Variants in SLC20A2 observed in about 807,000 individuals in gnomAD.
The protein encoded by SLC20A2 is sodium-dependent phosphate transporter 2.
SLC20A2 carries 30 observed loss-of-function variants against 61.0 expected under a neutral mutation model. The observed-to-expected ratio is 0.49, with a 90% CI of 0.37 to 0.67. SLC20A2 has a LOEUF of 0.67. Among genes scored for constraint, SLC20A2 ranks in the 30% least tolerant of loss-of-function variants. The pLI is 0.00. For synonymous variants in SLC20A2, 351 were observed against 353.3 expected (o/e 0.99, Z 0.07); for missense variants, 626 against 866.4 (o/e 0.72, Z 3.48).
At chr8:42,538,862 C>G (rs1382418089) in intron 1 of SLC20A2, among the ~76,000 whole-genome samples, 1 of 152,184 alleles carries the variant, frequency 6.6e-6, no homozygotes, top group Admixed American at 6.5e-5. Context: ...CTGTAATATA[C>G]TGCATTCTAA....
intron 5 of SLC20A2, among the ~76,000 whole-genome samples, chr8:42,455,233 A>ATAT (rs1370917032): frequency 2.8e-5 from 3 of 107,986 alleles, no homozygotes; most frequent in Non-Finnish European, 5.6e-5. Context: ...TAAAAAAAAA[A>ATAT]AAAAAAAAAT....
At chr8:42,535,976 T>C (rs1247837108) in intron 1 of SLC20A2, among the ~76,000 whole-genome samples, 1 of 152,244 alleles carries the variant, frequency 6.6e-6, no homozygotes, top group Non-Finnish European at 1.5e-5. Flanking sequence ...TAAATTATCC[T>C]AGCTTCGTAG....
At chr8:42,480,579 C>A (rs575657055) in intron 1 of SLC20A2, 3 of 152,274 alleles carry the variant, frequency 2.0e-5, no homozygotes, top group South Asian at 2.1e-4. Context: ...TCAAGAATAT[C>A]CTTTTGTCTA....
At chr8:42,533,228 G>A (rs1812451521) in intron 1 of SLC20A2, among the ~76,000 whole-genome samples, 1 of 152,136 alleles carries the variant, frequency 6.6e-6, no homozygotes, top group Non-Finnish European at 1.5e-5. Context: ...AATTGTTGAT[G>A]AGGTTAACTG....
Position 42,437,238 on chromosome 8 carries a change from T to C in SLC20A2, c.1274A>G (p.Lys425Arg), listed in dbSNP as rs1804349649. Residue 425 changes from lysine to arginine, a missense_variant, in exon 8 of 11, where the codon AAG becomes AGG. Physicochemically the swap from Lys to Arg is conservative, Grantham distance 26. Around this residue, in one of 3 missense-constraint regions of SLC20A2, gnomAD observed 361 missense variants for 422.3 expected, o/e 0.85. Transcript: ENST00000520262. The surrounding 1 kb of genome is among the most constrained non-coding windows in gnomAD (Gnocchi z 6.4). ...KLVGDTVSYS[K>R]KRLRYDSYSS... ...GTAGCTGTCGTAGCGCAGCCTCTTCTTGGAGTAGGACACGGTGTCGCCCAC... is the reference window on the plus strand; with the variant it reads ...GTAGCTGTCGTAGCGCAGCCTCTTCCTGGAGTAGGACACGGTGTCGCCCAC... The C allele has an allele frequency of 3.7e-6, 6 of 1,613,814 alleles. No individual in the cohort carries two copies. Among genetic ancestry groups the C allele is most frequent in the African/African-American group, 1.3e-5 (1 of 74,942 alleles).
At chr8:42,477,674 T>C (rs1331088253) in intron 1 of SLC20A2, among the ~76,000 whole-genome samples, 6 of 151,852 alleles carry the variant, frequency 4.0e-5, no homozygotes, top group Non-Finnish European at 7.4e-5. Flanking sequence ...CTTATCACCA[T>C]GTTGGCCAGG....
chr8:42,418,240 T>C (rs781213591), intron 10 of SLC20A2, among the ~76,000 whole-genome samples: 30 of 152,144 alleles, frequency 2.0e-4, no homozygotes, highest in Non-Finnish European at 3.2e-4. Context: ...GATCTCAGCT[T>C]ACTGCAACCT....
At chr8:42,462,456 T>C (rs1440023375) in intron 4 of SLC20A2, among the ~76,000 whole-genome samples, 1 of 152,200 alleles carries the variant, frequency 6.6e-6, no homozygotes, top group East Asian at 1.9e-4. Flanking sequence ...CAAAAGAAGA[T>C]AGCCACGTTT....
intron 1 of SLC20A2, among the ~76,000 whole-genome samples, chr8:42,529,941 A>G (rs1243763095): frequency 6.6e-6 from 1 of 152,280 alleles, no homozygotes; most frequent in Non-Finnish European, 1.5e-5. Context: ...AACTTTAGAT[A>G]CAGTATATAT....
intron 2 of SLC20A2, chr8:42,470,973 CAAA>C (rs200440771): frequency 0.013 from 3,144 of 233,046 alleles, no homozygotes; most frequent in South Asian, 0.018. Context: ...GACTCTGTCT[CAAA>C]AAAAAAAAAA....
intron 1 of SLC20A2, among the ~76,000 whole-genome samples, chr8:42,498,258 G>A (rs1239548970): frequency 1.3e-5 from 2 of 152,130 alleles, no homozygotes; most frequent in Non-Finnish European, 2.9e-5. Context: ...GAGAGTGGGG[G>A]GCAAGGCTTC....
chr8:42,471,371 C>T (rs967940373), intron 2 of SLC20A2, among the ~76,000 whole-genome samples: 8 of 152,212 alleles, frequency 5.3e-5, no homozygotes, highest in African/African-American at 1.7e-4. Context: ...TCTGCTTATT[C>T]ACACAGTTCA....
chr8:42,446,147 AC>A (rs1805196703), intron 5 of SLC20A2, among the ~76,000 whole-genome samples: 1 of 152,202 alleles, frequency 6.6e-6, no homozygotes, highest in Non-Finnish European at 1.5e-5. Context: ...AAGGACACTG[AC>A]CTTCAATTCT....
At chr8:42,420,626 A>G (rs923982655) in intron 10 of SLC20A2, among the ~76,000 whole-genome samples, 4 of 152,248 alleles carry the variant, frequency 2.6e-5, no homozygotes, top group African/African-American at 9.6e-5. Flanking sequence ...ATACATGCTC[A>G]TATAGAACAG....
At chr8:42,447,541 G>A (rs1357872974) in intron 5 of SLC20A2, among the ~76,000 whole-genome samples, 3 of 151,850 alleles carry the variant, frequency 2.0e-5, no homozygotes, top group Non-Finnish European at 4.4e-5. Context: ...AGCCAGGCGT[G>A]GTGGTGGGCA....
rs1053121674 is a variant in SLC20A2, at chr8:42,538,230, TTA to T, written c.-265+3589_-265+3590del. On this transcript the variant is annotated intron_variant, in intron 1 of 10. Coordinates refer to the SLC20A2 transcript ENST00000342228. ...CCTACTCTGTATATATACATGTATA[TTA>T]TATATATTATATATTACATATATTA... 6 of 148,374 alleles carry T rather than the reference TTA, an allele frequency of 4.0e-5. No individual in the cohort carries two copies. The Admixed American group carries it at 4.1e-4, about 10-fold the overall frequency. The allele number at this position is 148,374 out of a possible 1,614,324, so 9.2% of individuals were successfully genotyped here.
intron 3 of SLC20A2, among the ~76,000 whole-genome samples, chr8:42,463,630 G>A (rs1360081607): frequency 6.6e-6 from 1 of 152,164 alleles, no homozygotes; most frequent in Non-Finnish European, 1.5e-5. Context: ...AACTCGTTTG[G>A]CCCTGGCTGG....
chr8:42,526,428 C>G (rs1452111751), intron 1 of SLC20A2, among the ~76,000 whole-genome samples: 4 of 151,720 alleles, frequency 2.6e-5, no homozygotes, highest in African/African-American at 9.7e-5. Flanking sequence ...AATCCCAGGA[C>G]TTTGGGAGGC....
chr8:42,491,158 G>C (rs1371826536), intron 1 of SLC20A2, among the ~76,000 whole-genome samples: 2 of 152,138 alleles, frequency 1.3e-5, no homozygotes, highest in Non-Finnish European at 2.9e-5. Flanking sequence ...CCAGCACTTT[G>C]GGAGGCCGAG....
Sources: allele counts gnomAD v4.1 joint callset (sites outside exome capture counted in the v4.1 genomes callset), GRCh38; gene constraint gnomAD v4.1.1; regional missense constraint gnomAD v4.1.1; non-coding constraint Gnocchi (gnomAD v3.1); transcripts MANE v1.5; gene names NCBI Gene and HGNC (gene_info 2026-07-23, HGNC 2026-07-21).